Variants in PDE1C observed in about 807,000 individuals in gnomAD.
PDE1C encodes the protein phosphodiesterase 1C, also known as dual specificity calcium/calmodulin-dependent 3',5'-cyclic nucleotide phosphodiesterase 1C.
A neutral mutation model predicts 93.1 loss-of-function variants in PDE1C; 62 were observed. The ratio of observed to expected loss-of-function variants is 0.67; its 90% CI spans 0.54 to 0.82. PDE1C has a LOEUF of 0.82. Ranked by LOEUF, PDE1C falls within the 40% of genes least tolerant of loss-of-function variation. The probability of loss-of-function intolerance (pLI) is 0.00; values close to 1 mark genes in which losing one functional copy is unlikely to be tolerated. For missense variants in PDE1C, 742 were observed against 884.6 expected, an observed-to-expected ratio of 0.84 and a Z score of 2.04; for synonymous variants, 325 against 310.1, an observed-to-expected ratio of 1.05 and a Z score of -0.50.
At chr7:31,626,469 C>A in the PDE1C span, among the ~76,000 whole-genome samples, 1 of 152,252 alleles carries the variant, frequency 6.6e-6, no homozygotes, top group African/African-American at 2.4e-5. Flanking sequence ...CACTATATTT[C>A]TGTTTGCATT....
chr7:31,662,633 A>G, the PDE1C span, among the ~76,000 whole-genome samples: 12 of 152,164 alleles, frequency 7.9e-5, no homozygotes, highest in Non-Finnish European at 1.5e-4. Flanking sequence ...GACTCTGTGC[A>G]TGTATGTGTG....
the PDE1C span, among the ~76,000 whole-genome samples, chr7:31,634,087 T>A: frequency 6.6e-6 from 1 of 152,150 alleles, no homozygotes; most frequent in Non-Finnish European, 1.5e-5. Flanking sequence ...CACTCTGTGG[T>A]TGGTGTAATG....
intron 1 of PDE1C, among the ~76,000 whole-genome samples, chr7:32,242,893 G>C (rs944076196): frequency 6.6e-6 from 1 of 152,196 alleles, no homozygotes; most frequent in African/African-American, 2.4e-5. Flanking sequence ...GTCTATGAGA[G>C]AATGAGAGCT....
At chr7:31,754,123 T>C (rs908874200) in intron 17 of PDE1C, among the ~76,000 whole-genome samples, 1 of 152,230 alleles carries the variant, frequency 6.6e-6, no homozygotes, top group Non-Finnish European at 1.5e-5. Context: ...GGAAGATGTA[T>C]GTGTCAAATA....
intron 2 of PDE1C, among the ~76,000 whole-genome samples, chr7:31,909,527 C>T (rs1278194695): frequency 6.6e-6 from 1 of 152,052 alleles, no homozygotes; most frequent in Non-Finnish European, 1.5e-5. Context: ...TTCCTCCAAA[C>T]TCTATGAGAT....
At chr7:32,147,644 C>A (rs1179254005) in intron 3 of PDE1C, among the ~76,000 whole-genome samples, 2 of 152,132 alleles carry the variant, frequency 1.3e-5, no homozygotes, top group Non-Finnish European at 2.9e-5. Flanking sequence ...TTAGCCAAAA[C>A]AATCCCTCCT....
intron 1 of PDE1C, among the ~76,000 whole-genome samples, chr7:32,264,235 G>A (rs1391313743): frequency 6.6e-6 from 1 of 152,108 alleles, no homozygotes; most frequent in Non-Finnish European, 1.5e-5. Flanking sequence ...TTAAGTAGAG[G>A]AGTTATGCAA....
chr7:31,866,711 G>T (rs1350554433), intron 6 of PDE1C, among the ~76,000 whole-genome samples: 1 of 152,082 alleles, frequency 6.6e-6, no homozygotes, highest in African/African-American at 2.4e-5. Flanking sequence ...ATTCAACAGA[G>T]AAGTAAGAGG....
At chr7:32,075,108 A>G (rs1796278305), upstream of PDE1C, among the ~76,000 whole-genome samples, 1 of 152,224 alleles carries the variant, frequency 6.6e-6, no homozygotes, top group Non-Finnish European at 1.5e-5. Context: ...GCAAATGATA[A>G]CCAGGGCTGC....
chr7:31,736,755 T>C, the PDE1C span, among the ~76,000 whole-genome samples: 2 of 152,206 alleles, frequency 1.3e-5, no homozygotes, highest in African/African-American at 4.8e-5. Flanking sequence ...GTTAATGCTA[T>C]GGGTGCACAA....
intron 1 of PDE1C, among the ~76,000 whole-genome samples, chr7:32,254,331 A>C (rs1242284061): frequency 6.6e-6 from 1 of 152,140 alleles, no homozygotes; most frequent in African/African-American, 2.4e-5. Flanking sequence ...CTATGACCTC[A>C]CTGGAACTGA....
chr7:31,975,445 G>A (rs1811540389), intron 2 of PDE1C, among the ~76,000 whole-genome samples: 2 of 152,222 alleles, frequency 1.3e-5, no homozygotes, highest in Middle Eastern at 3.4e-3. Context: ...AGAGTGTATT[G>A]AGACTAACAA....
intron 1 of PDE1C, among the ~76,000 whole-genome samples, chr7:32,335,388 G>A (rs543299112): frequency 2.6e-5 from 4 of 152,334 alleles, no homozygotes; most frequent in African/African-American, 9.6e-5. Context: ...AAGGCCAGGA[G>A]TGTTTGGTCC....
At chr7:31,746,772 A>G (rs1794014726), downstream of PDE1C, among the ~76,000 whole-genome samples, 1 of 152,172 alleles carries the variant, frequency 6.6e-6, no homozygotes, top group South Asian at 2.1e-4. Context: ...AAAATTAGGG[A>G]ATTTTTTTTT....
chr7:32,000,154 C>T (rs995990255), intron 2 of PDE1C, among the ~76,000 whole-genome samples: 37 of 152,152 alleles, frequency 2.4e-4, no homozygotes, highest in African/African-American at 8.5e-4. Flanking sequence ...CTAGACTGTA[C>T]TAATGTAAAC....
the PDE1C span, among the ~76,000 whole-genome samples, chr7:31,705,147 A>C: frequency 2.0e-5 from 3 of 152,200 alleles, no homozygotes; most frequent in African/African-American, 7.2e-5. Flanking sequence ...TACTTTGAGA[A>C]GGGCTGGCTG....
intron 6 of PDE1C, among the ~76,000 whole-genome samples, chr7:31,872,526 A>G (rs1796069866): frequency 6.6e-6 from 1 of 152,150 alleles, no homozygotes; most frequent in Non-Finnish European, 1.5e-5. Context: ...GTACCAATTA[A>G]AAAACAGATA....
intron 3 of PDE1C, among the ~76,000 whole-genome samples, chr7:31,879,487 A>G (rs1386848742): frequency 2.0e-5 from 3 of 152,226 alleles, no homozygotes; most frequent in Non-Finnish European, 2.9e-5. Context: ...CTATTTAAAA[A>G]TGCCTTCACA....
chr7:31,792,056 C>A (rs561285159), intron 16 of PDE1C, among the ~76,000 whole-genome samples: 2 of 152,020 alleles, frequency 1.3e-5, no homozygotes, highest in African/African-American at 4.8e-5. Flanking sequence ...TCATTAAATA[C>A]CACCAGCAGT....
Sources: gnomAD v4.1 joint callset for allele counts (sites outside exome capture counted in the v4.1 genomes callset) on GRCh38, gnomAD v4.1.1 for gene constraint, MANE v1.5 for transcripts, NCBI Gene and HGNC (gene_info 2026-07-23, HGNC 2026-07-21) for gene names.